Variants in PCDH9 observed in about 807,000 individuals in gnomAD.
PCDH9 encodes protocadherin-9.
In PCDH9, 24 loss-of-function variants were observed where a neutral mutation model predicts 70.6. That is an observed-to-expected ratio of 0.34 (90% CI 0.25 to 0.48). The LOEUF (loss-of-function observed/expected upper bound fraction) is 0.48, where lower values mean the gene tolerates loss of function less well. Ranked by LOEUF, PCDH9 falls within the 20% of genes least tolerant of loss-of-function variation. PCDH9 has a pLI of 0.99. For synonymous variants in PCDH9, 562 were observed against 558.5 expected (o/e 1.01, Z -0.09); for missense variants, 1,281 against 1,503.6 (o/e 0.85, Z 2.45).
chr13:67,216,850 A>T (rs1000020540), intron 2 of PCDH9: 1 of 151,784 alleles, frequency 6.6e-6, no homozygotes, highest in Non-Finnish European at 1.5e-5. Context: ...AAAGAAAAGT[A>T]GCCAGTCCAG....
chr13:66,327,675 T>A (rs1177701753), intron 4 of PCDH9, among the ~76,000 whole-genome samples: 1 of 152,216 alleles, frequency 6.6e-6, no homozygotes, highest in Admixed American at 6.5e-5. Context: ...GGAGGTCTTA[T>A]GTATTTTCTC....
chr13:66,540,352 A>T (rs953758033), intron 4 of PCDH9, among the ~76,000 whole-genome samples: 5 of 152,176 alleles, frequency 3.3e-5, no homozygotes, highest in African/African-American at 1.2e-4. Flanking sequence ...TGCTTTTGTA[A>T]ACAGTAATTT....
At chr13:66,693,989 G>C (rs958957297) in intron 3 of PCDH9, among the ~76,000 whole-genome samples, 2 of 152,202 alleles carry the variant, frequency 1.3e-5, no homozygotes, top group Non-Finnish European at 2.9e-5. Context: ...GAAATGTGCA[G>C]GGCATTTAGC....
rs184850098 is a variant in PCDH9, at chr13:67,126,738, T to G, written c.3036+98667A>C. On this transcript the variant is annotated intron_variant, in intron 2 of 4. Transcript: ENST00000377865. ...GGTGGCACATGCCTGTAAGCCTGGC[T>G]ACTTGGGAGGCTGAGGTGGGAGAAT... Among the ~76,000 whole-genome samples, 207 of 152,196 alleles carry G rather than the reference T, an allele frequency of 1.4e-3. 10 individuals carry two copies. The East Asian group carries it at 0.033, about 24-fold the overall frequency.
At position 66,602,495 on chromosome 13, in the gene PCDH9, T is replaced by TA. The variant is rs1290007679; in HGVS notation, c.3340+28714dup. On this transcript the variant is annotated intron_variant, in intron 4 of 4. Transcript: ENST00000377865. ...GTGTCTTAGTTTTTAACAAACAAATTAAAAAAAAACAACAACAGAAAAGTA... is the reference window on the plus strand; with the variant it reads ...GTGTCTTAGTTTTTAACAAACAAATTAAAAAAAAAACAACAACAGAAAAGTA... 3.0e-4 allele frequency among the ~76,000 whole-genome samples: 43 copies of TA among 142,756 alleles called. 3 individuals carry two copies. The highest frequency in any genetic ancestry group is 2.5e-3 in the South Asian group (11 of 4,476). The allele number at this position is 142,756 out of a possible 152,430, so 93.7% of individuals were successfully genotyped here. A position where few individuals can be genotyped will look rare whatever the true frequency, so the allele number is the denominator to read the frequency against.
At position 67,141,472 on chromosome 13, in the gene PCDH9, G is replaced by A. The variant is rs143966276; in HGVS notation, c.3036+83933C>T. Reference sequence around the variant, plus strand: ...TATTATTATTTTTAGATGGAGTCTAGCTCTGTAGCCCAGGCTGGAGTGCAG... The same window carrying A: ...TATTATTATTTTTAGATGGAGTCTAACTCTGTAGCCCAGGCTGGAGTGCAG... On this transcript the variant is annotated intron_variant, in intron 2 of 4. Transcript: ENST00000377865. Among the ~76,000 whole-genome samples, 189 of 151,748 alleles carry A rather than the reference G, an allele frequency of 1.2e-3. 2 individuals carry two copies. The highest frequency in any genetic ancestry group is 4.2e-3 in the African/African-American group (175 of 41,380).
chr13:66,432,970 C>T (rs923460462), intron 4 of PCDH9, among the ~76,000 whole-genome samples: 18 of 151,930 alleles, frequency 1.2e-4, no homozygotes, highest in African/African-American at 4.1e-4. Flanking sequence ...ATTTAATTTG[C>T]TATGAGGAAG....
At chr13:67,132,163 A>T (rs1260378496) in intron 2 of PCDH9, among the ~76,000 whole-genome samples, 4 of 152,184 alleles carry the variant, frequency 2.6e-5, no homozygotes, top group Admixed American at 1.3e-4. Context: ...GTGGAGTCAG[A>T]GAGTTAGTTG....
chr13:67,175,528 G>T (rs1164086745), intron 2 of PCDH9, among the ~76,000 whole-genome samples: 1 of 152,172 alleles, frequency 6.6e-6, no homozygotes, highest in East Asian at 1.9e-4. Flanking sequence ...GGATGTTTGT[G>T]TTGGGTGAGA....
chr13:66,595,957 G>A (rs986069141), intron 4 of PCDH9, among the ~76,000 whole-genome samples: 3 of 151,638 alleles, frequency 2.0e-5, no homozygotes, highest in African/African-American at 7.3e-5. Context: ...TTTTAAAAAT[G>A]CATAGAATTG....
intron 4 of PCDH9, among the ~76,000 whole-genome samples, chr13:66,353,858 G>C (rs928068599): frequency 2.0e-5 from 3 of 152,114 alleles, no homozygotes; most frequent in African/African-American, 7.2e-5. Flanking sequence ...CCAGTAAAGA[G>C]AAAATTGTAA....
chr13:66,954,193 C>T (rs988989314), intron 2 of PCDH9, among the ~76,000 whole-genome samples: 61 of 152,114 alleles, frequency 4.0e-4, no homozygotes, highest in African/African-American at 1.4e-3. Context: ...TAGCCCATGT[C>T]TTATGATCCT....
intron 4 of PCDH9, among the ~76,000 whole-genome samples, chr13:66,459,453 A>AT (rs1958378809): frequency 6.6e-6 from 1 of 151,790 alleles, no homozygotes; most frequent in Non-Finnish European, 1.5e-5. Context: ...TTACTTTTGA[A>AT]TTTTTTTAAA....
intron 2 of PCDH9, among the ~76,000 whole-genome samples, chr13:66,972,650 C>T (rs2083545778): frequency 6.6e-6 from 1 of 151,910 alleles, no homozygotes; most frequent in Non-Finnish European, 1.5e-5. Context: ...TGTGGCCTAG[C>T]TATTGAGATC....
intron 4 of PCDH9, among the ~76,000 whole-genome samples, chr13:66,376,935 A>G (rs1398507416): frequency 6.6e-6 from 1 of 152,164 alleles, no homozygotes; most frequent in Non-Finnish European, 1.5e-5. Flanking sequence ...GGATGATAGC[A>G]TCAGTAATAT....
chr13:67,096,597 T>C (rs1053075019), intron 2 of PCDH9, among the ~76,000 whole-genome samples: 2 of 152,190 alleles, frequency 1.3e-5, no homozygotes, highest in African/African-American at 4.8e-5. Flanking sequence ...TGTTCACATC[T>C]CTTCAACTGC....
chr13:66,582,824 C>T (rs1231588158), intron 4 of PCDH9, among the ~76,000 whole-genome samples: 1 of 152,094 alleles, frequency 6.6e-6, no homozygotes, highest in Non-Finnish European at 1.5e-5. Context: ...ACTATGAAGT[C>T]CAGTGTCTTG....
chr13:66,591,541 A>G (rs2077039726), intron 4 of PCDH9, among the ~76,000 whole-genome samples: 1 of 151,688 alleles, frequency 6.6e-6, no homozygotes, highest in Non-Finnish European at 1.5e-5. Context: ...TTACTGCAAT[A>G]CAGAAAGCAG....
intron 2 of PCDH9, among the ~76,000 whole-genome samples, chr13:66,928,858 G>GA (rs56344128): frequency 7.3e-5 from 11 of 150,510 alleles, no homozygotes; most frequent in South Asian, 4.2e-4. Flanking sequence ...CATAACGAGG[G>GA]AAAAAAAAAT....
Sources: gnomAD v4.1 joint callset for allele counts (sites outside exome capture counted in the v4.1 genomes callset) on GRCh38, gnomAD v4.1.1 for gene constraint, MANE v1.5 for transcripts, NCBI Gene and HGNC (gene_info 2026-07-23, HGNC 2026-07-21) for gene names.